Variants in DTL observed in about 807,000 individuals in gnomAD.
The protein encoded by DTL is denticleless E3 ubiquitin protein ligase adapter, also known as denticleless protein homolog.
Under a neutral mutation model 87.0 loss-of-function variants are expected in DTL, and 46 were observed. The observed-to-expected ratio is 0.53, with a 90% CI of 0.42 to 0.68. The LOEUF (loss-of-function observed/expected upper bound fraction) is 0.68. Ranked by LOEUF, DTL falls within the 30% of genes least tolerant of loss-of-function variation. The probability of loss-of-function intolerance (pLI) is 0.00; values close to 1 mark genes in which losing one functional copy is unlikely to be tolerated. For synonymous variants in DTL, 308 were observed against 311.2 expected, an observed-to-expected ratio of 0.99 and a Z score of 0.11; for missense variants, 737 against 869.4, an observed-to-expected ratio of 0.85 and a Z score of 1.91.
chr1:212,076,079 T>C (rs1490215765), intron 11 of DTL, among the ~76,000 whole-genome samples: 1 of 152,218 alleles, frequency 6.6e-6, no homozygotes, highest in African/African-American at 2.4e-5. Context: ...TGCCATTGTG[T>C]GGATAGACCA....
At chr1:212,084,475 C>T (rs1435605339) in intron 13 of DTL, among the ~76,000 whole-genome samples, 7 of 152,046 alleles carry the variant, frequency 4.6e-5, no homozygotes, top group African/African-American at 1.4e-4. Flanking sequence ...CGTGAGCCAC[C>T]GTGCCCAGCC....
chr1:212,085,584 G>T (rs143966499), intron 13 of DTL, among the ~76,000 whole-genome samples: 174 of 152,286 alleles, frequency 1.1e-3, no homozygotes, highest in African/African-American at 4.1e-3. Context: ...GATTTATTCT[G>T]TGGGTTGTGT....
intron 11 of DTL, among the ~76,000 whole-genome samples, chr1:212,076,007 A>G (rs2102561904): frequency 6.6e-6 from 1 of 152,312 alleles, no homozygotes; most frequent in East Asian, 1.9e-4. Flanking sequence ...TTAGCATAAT[A>G]TCGAGGTTCA....
intron 7 of DTL, among the ~76,000 whole-genome samples, chr1:212,066,227 T>A (rs1334928864): frequency 1.3e-5 from 2 of 152,080 alleles, no homozygotes; most frequent in East Asian, 3.9e-4. Context: ...ACATTAAGAC[T>A]TAAAACTATA....
intron 13 of DTL, among the ~76,000 whole-genome samples, chr1:212,090,069 C>T (rs552746180): frequency 1.1e-4 from 16 of 152,258 alleles, no homozygotes; most frequent in Admixed American, 1.3e-4. Context: ...AGCTCTAGAG[C>T]GTTAGTGTGA....
At chr1:212,098,957 A>T (rs1013594785) in intron 13 of DTL, among the ~76,000 whole-genome samples, 1 of 152,162 alleles carries the variant, frequency 6.6e-6, no homozygotes, top group Non-Finnish European at 1.5e-5. Context: ...GCTCAGTTGA[A>T]ATCATTACAA....
intron 1 of DTL, among the ~76,000 whole-genome samples, chr1:212,040,498 C>T (rs1023580317): frequency 6.6e-6 from 1 of 152,172 alleles, no homozygotes; most frequent in Non-Finnish European, 1.5e-5. Context: ...TAACGATATT[C>T]TGTAATAAAA....
chr1:212,073,614 T>C (rs1017979), intron 11 of DTL, among the ~76,000 whole-genome samples: 145,210 of 152,214 alleles, frequency 0.95, 69,327 homozygotes, highest in East Asian at 1. Context: ...ACTGGAGTTG[T>C]GAAAATGCAA....
chr1:212,102,470 A>G (rs950876627), intron 14 of DTL, among the ~76,000 whole-genome samples: 1 of 152,210 alleles, frequency 6.6e-6, no homozygotes, highest in African/African-American at 2.4e-5. Context: ...GATAATGTCA[A>G]CCTTCAGAAG....
intron 11 of DTL, among the ~76,000 whole-genome samples, chr1:212,074,599 C>T (rs768363629): frequency 6.6e-6 from 1 of 152,062 alleles, no homozygotes; most frequent in Non-Finnish European, 1.5e-5. Context: ...CAAGCTTGCA[C>T]CTCCTAAATT....
At chr1:212,078,895 G>A (rs1412478119) in intron 12 of DTL, among the ~76,000 whole-genome samples, 1 of 152,172 alleles carries the variant, frequency 6.6e-6, no homozygotes, top group East Asian at 1.9e-4. Flanking sequence ...AGTAGCTCAA[G>A]TTCCAGTCAT....
chr1:212,069,122 A>T (rs1654595740), intron 10 of DTL, among the ~76,000 whole-genome samples: 1 of 151,622 alleles, frequency 6.6e-6, no homozygotes, highest in Non-Finnish European at 1.5e-5. Flanking sequence ...TTAATGTTAG[A>T]GGCCCTTTTA....
In DTL at chr1:212,047,515, C is replaced by T. The variant is rs919319028; in HGVS notation, c.460+98C>T. ...TCTACCCTTTCCCCTGTCAAAGTTA[C>T]TGCTTTACCTACATAGATGATTAAG... is the stretch of plus-strand genomic sequence containing the variant. On this transcript the variant is annotated intron_variant, in intron 5 of 14. Transcript: ENST00000366991. 74 of 1,435,250 alleles carry T rather than the reference C, an allele frequency of 5.2e-5. No individual in the cohort carries two copies. In the African/African-American group the frequency reaches 9.3e-4, roughly 18 times the overall value. The allele number at this position is 1,435,250 out of a possible 1,614,324, so 88.9% of individuals were successfully genotyped here. A position where few individuals can be genotyped will look rare whatever the true frequency, so the allele number is the denominator to read the frequency against.
At chr1:212,063,254 T>G (rs1654389063) in intron 6 of DTL, among the ~76,000 whole-genome samples, 1 of 151,792 alleles carries the variant, frequency 6.6e-6, no homozygotes, top group Non-Finnish European at 1.5e-5. Flanking sequence ...GGTAAATGTC[T>G]TTATTTTGGT....
At chr1:212,054,489 A>T (rs1286245041) in intron 5 of DTL, among the ~76,000 whole-genome samples, 1 of 151,742 alleles carries the variant, frequency 6.6e-6, no homozygotes, top group Non-Finnish European at 1.5e-5. Flanking sequence ...TCCTCCAAAA[A>T]TTGCATGTTT....
intron 1 of DTL, among the ~76,000 whole-genome samples, chr1:212,038,578 G>A (rs1185552577): frequency 6.6e-6 from 1 of 152,132 alleles, no homozygotes; most frequent in Non-Finnish European, 1.5e-5. Flanking sequence ...TTATGATTAT[G>A]CATCTTTACT....
intron 8 of DTL, among the ~76,000 whole-genome samples, chr1:212,067,729 T>G (rs1224970221): frequency 6.6e-6 from 1 of 152,224 alleles, no homozygotes; most frequent in Non-Finnish European, 1.5e-5. Flanking sequence ...TCAAGTTACC[T>G]TTATACTAGA....
intron 13 of DTL, among the ~76,000 whole-genome samples, chr1:212,090,180 A>G (rs989627204): frequency 1.3e-5 from 2 of 152,256 alleles, no homozygotes; most frequent in Non-Finnish European, 2.9e-5. Context: ...CCTTATTAAA[A>G]GAGCAGTATC....
At chr1:212,080,974 A>C (rs1261085405) in intron 13 of DTL, among the ~76,000 whole-genome samples, 2 of 152,158 alleles carry the variant, frequency 1.3e-5, no homozygotes, top group Non-Finnish European at 2.9e-5. Flanking sequence ...TTTCTTGAAC[A>C]CCCAGTATGT....
Sources: allele counts gnomAD v4.1 joint callset (sites outside exome capture counted in the v4.1 genomes callset), GRCh38; gene constraint gnomAD v4.1.1; transcripts MANE v1.5; gene names NCBI Gene and HGNC (gene_info 2026-07-23, HGNC 2026-07-21).